Variants in ASXL3 observed in about 807,000 individuals in gnomAD.
ASXL3 encodes the protein putative Polycomb group protein ASXL3.
A neutral mutation model predicts 170.6 loss-of-function variants in ASXL3; 34 were observed. The ratio of observed to expected loss-of-function variants is 0.20; its 90% CI spans 0.15 to 0.27. The LOEUF is 0.27. Ranked by LOEUF, ASXL3 falls within the 10% of genes least tolerant of loss-of-function variation. The probability of loss-of-function intolerance (pLI) is 1.00; values close to 1 mark genes in which losing one functional copy is unlikely to be tolerated. For missense variants in ASXL3, 2,592 were observed against 2,695.3 expected (o/e 0.96, Z 0.85); for synonymous variants, 1,002 against 989.1 (o/e 1.01, Z -0.24).
intron 8 of ASXL3, among the ~76,000 whole-genome samples, chr18:33,685,102 T>C (rs1449384167): frequency 1.3e-5 from 2 of 152,196 alleles, no homozygotes; most frequent in Non-Finnish European, 2.9e-5. Context: ...TGAATGGAGC[T>C]GTGATGTAAT....
intron 8 of ASXL3, among the ~76,000 whole-genome samples, 189 bp from the exon 9 acceptor site, chr18:33,731,776 GCCT>G (rs1456391274): frequency 6.6e-6 from 1 of 151,752 alleles, no homozygotes; most frequent in Non-Finnish European, 1.5e-5. Context: ...TTTCCTCTCC[GCCT>G]CCTACCCTGC....
intron 4 of ASXL3, among the ~76,000 whole-genome samples, chr18:33,659,756 C>T (rs925224864): frequency 6.6e-6 from 1 of 152,046 alleles, no homozygotes; most frequent in African/African-American, 2.4e-5. Flanking sequence ...ATGTAATAAA[C>T]TGTTTCTTAG....
chr18:33,672,014 A>G (rs888081923), intron 7 of ASXL3, 148 bp downstream of exon 7: 1 of 843,986 alleles, frequency 1.2e-6, no homozygotes, highest in Middle Eastern at 3.7e-4. Flanking sequence ...AGAATGCTAA[A>G]TAAGGAAACA....
rs757926700 is a variant in ASXL3, at chr18:33,744,373, G to T, written c.4525G>T (p.Ala1509Ser). 6.2e-7 allele frequency: 1 copy of T among 1,613,904 alleles called. No homozygotes were observed. Among genetic ancestry groups the T allele is most frequent in the Non-Finnish European group, 8.5e-7 (1 of 1,179,844 alleles). Residue 1509 changes from alanine to serine, a missense_variant, in exon 12 of 12, where the codon GCA becomes TCA. Transcript: ENST00000269197. Reference sequence around the variant, plus strand: ...GCAGGGCAGACCAGTGAGGACAGAGGCATCCGTACAGCCCGTGGCGTGTCC... The same window carrying T: ...GCAGGGCAGACCAGTGAGGACAGAGTCATCCGTACAGCCCGTGGCGTGTCC... Reference protein sequence around the residue: ...DLQGRPVRTEASVQPVACPQV... With the variant: ...DLQGRPVRTESSVQPVACPQV...
intron 1 of ASXL3, among the ~76,000 whole-genome samples, chr18:33,587,500 A>G (rs1209752869): frequency 6.6e-6 from 1 of 152,130 alleles, no homozygotes; most frequent in Non-Finnish European, 1.5e-5. Flanking sequence ...TAGTTTTTGT[A>G]TGGTGAAATG....
intron 8 of ASXL3, among the ~76,000 whole-genome samples, chr18:33,685,007 A>G (rs929821216): frequency 6.6e-6 from 1 of 152,276 alleles, no homozygotes; most frequent in Non-Finnish European, 1.5e-5. Context: ...TTGGAAGTTG[A>G]CTTTGGAAGA....
At chr18:33,646,125 C>A in intron 3 of ASXL3, 120 bp from the exon 4 acceptor site, 4 of 631,420 alleles carry the variant, frequency 6.3e-6, no homozygotes, top group Admixed American at 3.9e-5. Context: ...AAAAGTAAAT[C>A]ATTATTGAAA....
intron 1 of ASXL3, among the ~76,000 whole-genome samples, chr18:33,600,810 A>G (rs2065176371): frequency 1.3e-5 from 2 of 152,136 alleles, no homozygotes; most frequent in Admixed American, 1.3e-4. Flanking sequence ...CTCAGGTTTT[A>G]TGACCCTGGG....
At chr18:33,600,655 G>T (rs1440539463) in intron 1 of ASXL3, among the ~76,000 whole-genome samples, 1 of 152,106 alleles carries the variant, frequency 6.6e-6, no homozygotes, top group Non-Finnish European at 1.5e-5. Context: ...TGTTTTAAAT[G>T]ATTAGAAACT....
At chr18:33,677,155 C>T (rs531105451) in intron 7 of ASXL3, among the ~76,000 whole-genome samples, 9 of 152,100 alleles carry the variant, frequency 5.9e-5, no homozygotes, top group African/African-American at 1.9e-4. Flanking sequence ...GGATTCATTC[C>T]AATGTATTTT....
At chr18:33,592,072 A>G (rs989793269) in intron 1 of ASXL3, among the ~76,000 whole-genome samples, 3 of 152,082 alleles carry the variant, frequency 2.0e-5, no homozygotes, top group Admixed American at 6.5e-5. Context: ...ACCCTCTCCT[A>G]TCTTTGTATG....
At chr18:33,673,556 G>T (rs2066379866) in intron 7 of ASXL3, among the ~76,000 whole-genome samples, 1 of 152,022 alleles carries the variant, frequency 6.6e-6, no homozygotes, top group African/African-American at 2.4e-5. Flanking sequence ...AGTAGAGACA[G>T]GGTTTTACCA....
At chr18:33,659,131 A>G (rs2066131140) in intron 4 of ASXL3, among the ~76,000 whole-genome samples, 1 of 152,080 alleles carries the variant, frequency 6.6e-6, no homozygotes, top group Non-Finnish European at 1.5e-5. Flanking sequence ...GGAAGGACAG[A>G]TGATTGCATA....
At chr18:33,587,770 TA>T (rs956590588) in intron 1 of ASXL3, among the ~76,000 whole-genome samples, 38 of 146,492 alleles carry the variant, frequency 2.6e-4, no homozygotes, top group African/African-American at 3.2e-4. Context: ...AGATTACAAT[TA>T]AAAAAAAAAG....
chr18:33,671,310 G>A (rs2066337731), intron 6 of ASXL3, among the ~76,000 whole-genome samples: 1 of 152,006 alleles, frequency 6.6e-6, no homozygotes, highest in Non-Finnish European at 1.5e-5. Context: ...TCTATTTATT[G>A]TGGATTAACG....
chr18:33,740,355 A>G lies in ASXL3; in HGVS notation c.2951A>G (p.Asp984Gly), dbSNP rs900112333. 2.5e-6 allele frequency: 4 copies of G among 1,611,326 alleles called. No homozygotes were observed. The Admixed American group carries it at 6.7e-5, about 27-fold the overall frequency. ...AAGGAAAAGAGAGCTAGGATAGAAG[A>G]TGATCAGTCAACCCGGAACATATCA... ...ICKEKRARIE[D>G]DQSTRNISSS... The change falls in exon 11 of 12, where the codon GAT becomes GGT. Residue 984 changes from aspartate (D) to glycine (G), a missense_variant. Around this residue, in one of 4 missense-constraint regions of ASXL3, gnomAD observed 2,246 missense variants for 2,219.6 expected, o/e 1.01. Transcript: ENST00000269197.
At chr18:33,606,342 G>T (rs1290458818) in intron 1 of ASXL3, among the ~76,000 whole-genome samples, 1 of 151,818 alleles carries the variant, frequency 6.6e-6, no homozygotes, top group East Asian at 1.9e-4. Context: ...TATAACATGA[G>T]TAAGGAAGGG....
intron 2 of ASXL3, among the ~76,000 whole-genome samples, chr18:33,622,193 AG>A (rs2065525554): frequency 6.6e-6 from 1 of 152,140 alleles, no homozygotes; most frequent in Non-Finnish European, 1.5e-5. Flanking sequence ...ACTGATTAAA[AG>A]CAGCTAAATC....
At chr18:33,592,220 AG>A (rs765035591) in intron 1 of ASXL3, among the ~76,000 whole-genome samples, 10 of 152,184 alleles carry the variant, frequency 6.6e-5, no homozygotes, top group Non-Finnish European at 1.5e-4. Flanking sequence ...TTAATAAAAC[AG>A]TGTTTGAAGT....
Sources: gnomAD v4.1 joint callset for allele counts (sites outside exome capture counted in the v4.1 genomes callset) on GRCh38, gnomAD v4.1.1 for gene constraint, gnomAD v4.1.1 regional missense constraint, MANE v1.5 for transcripts, NCBI Gene and HGNC (gene_info 2026-07-23, HGNC 2026-07-21) for gene names.